The following NCAM2 variants were observed in gnomAD, a reference collection of about 807,000 sequenced individuals.
The protein encoded by NCAM2 is N-CAM-2.
NCAM2 carries 30 observed loss-of-function variants against 98.1 expected under a neutral mutation model. The observed-to-expected ratio is 0.31, with a 90% CI of 0.23 to 0.41. The LOEUF is 0.41. NCAM2 is among the 10% of genes least tolerant of loss of function. The pLI, the probability that NCAM2 is intolerant of heterozygous loss-of-function variation, is 1.00. For synonymous variants in NCAM2, 368 were observed against 342.4 expected (o/e 1.07, Z -0.83); for missense variants, 867 against 1,005.8 (o/e 0.86, Z 1.87).
Position 21,527,418 on chromosome 21 carries a change from C to T in NCAM2, c.2283-7119C>T, listed in dbSNP as rs538653176. On this transcript the variant is annotated intron_variant, in intron 16 of 17. Coordinates refer to ENST00000400546, the MANE Select transcript of NCAM2 (RefSeq NM_004540.5). ...AGACATTGTTAAGTGAATGAAAAGA[C>T]GAATCACGGAATGGGAGGAAATATT... Among the ~76,000 whole-genome samples the T allele has an allele frequency of 5.1e-4, 78 of 152,050 alleles. 1 individual carries two copies. The highest frequency in any genetic ancestry group is 3.4e-3 in the Middle Eastern group (1 of 294).
intron 17 of NCAM2, among the ~76,000 whole-genome samples, chr21:21,537,191 C>T (rs932721816): frequency 6.6e-6 from 1 of 151,858 alleles, no homozygotes; most frequent in Non-Finnish European, 1.5e-5. Flanking sequence ...CTCCACCTCC[C>T]GGTTCAAGTG....
intron 13 of NCAM2, among the ~76,000 whole-genome samples, chr21:21,467,384 A>T (rs374238548): frequency 3.8e-3 from 235 of 61,304 alleles, no homozygotes; most frequent in Admixed American, 5.6e-3. Flanking sequence ...ATATATCTTT[A>T]TATATATATA....
chr21:21,475,119 A>G lies in NCAM2; in HGVS notation c.1897-2172A>G, dbSNP rs17003873. On this transcript the variant is annotated intron_variant, in intron 14 of 17. Transcript: ENST00000400546. ...TTTGCTTATACATCTCCCAGTGATT[A>G]TGCATCTAAGGCTTAAAATCACTGT... Among the ~76,000 whole-genome samples the G allele has an allele frequency of 5.6e-3, 855 of 152,102 alleles. 7 individuals carry two copies. Among genetic ancestry groups the G allele is most frequent in the African/African-American group, 0.02 (820 of 41,532 alleles).
chr21:21,230,592 G>C (rs528424953), intron 1 of NCAM2, among the ~76,000 whole-genome samples: 81 of 151,178 alleles, frequency 5.4e-4, no homozygotes, highest in African/African-American at 2.0e-3. Context: ...ATCTCATCAC[G>C]ATGAAAAATA....
At chr21:21,188,498 A>G (rs890949868) in intron 1 of NCAM2, among the ~76,000 whole-genome samples, 15 of 152,194 alleles carry the variant, frequency 9.9e-5, no homozygotes, top group Admixed American at 4.6e-4. Context: ...AAATAGCACC[A>G]ATATTCTCTT....
At chr21:21,235,797 A>G (rs750774501) in intron 1 of NCAM2, among the ~76,000 whole-genome samples, 41 of 152,118 alleles carry the variant, frequency 2.7e-4, no homozygotes, top group African/African-American at 8.9e-4. Flanking sequence ...TTATGGGTCA[A>G]TGCCACTAAA....
intron 1 of NCAM2, among the ~76,000 whole-genome samples, chr21:21,236,339 T>G (rs1320913477): frequency 6.6e-6 from 1 of 152,086 alleles, no homozygotes; most frequent in Non-Finnish European, 1.5e-5. Context: ...TTCGTTGATA[T>G]CACAACCATC....
chr21:21,237,730 C>G (rs2070890148), intron 1 of NCAM2, among the ~76,000 whole-genome samples: 3 of 151,694 alleles, frequency 2.0e-5, no homozygotes, highest in Admixed American at 6.6e-5. Flanking sequence ...AGCTATATTT[C>G]CTAATAAAGG....
chr21:21,231,281 A>C (rs1000932284), intron 1 of NCAM2, among the ~76,000 whole-genome samples: 1 of 151,362 alleles, frequency 6.6e-6, no homozygotes, highest in Non-Finnish European at 1.5e-5. Context: ...TACCTAATAA[A>C]TTGAACTTCT....
intron 12 of NCAM2, among the ~76,000 whole-genome samples, chr21:21,454,951 C>G (rs1344340219): frequency 6.6e-6 from 1 of 151,856 alleles, no homozygotes; most frequent in Non-Finnish European, 1.5e-5. Flanking sequence ...TTCTCATAGC[C>G]TTAATATACA....
Position 21,432,103 on chromosome 21 carries a change from C to G in NCAM2, c.1481-5C>G. 1 of 1,612,354 alleles carries G rather than the reference C, an allele frequency of 6.2e-7. No individual in the cohort carries two copies. Among genetic ancestry groups the G allele is most frequent in the Non-Finnish European group, 8.5e-7 (1 of 1,178,840 alleles). ...TATGTTTTCTTTATATTTCTTTGTC[C>G]ATAGACGTGCCATCCAGTCCCTATG... On this transcript the variant is annotated splice_region_variant and splice_polypyrimidine_tract_variant and intron_variant, in intron 11 of 17. Transcript: ENST00000400546.
intron 9 of NCAM2, among the ~76,000 whole-genome samples, chr21:21,394,500 T>TTTTG (rs2076456495): frequency 1.1e-5 from 1 of 89,666 alleles, no homozygotes; most frequent in African/African-American, 4.7e-5. Flanking sequence ...TTTTTTTTTT[T>TTTTG]TTTTTTGAGA....
intron 15 of NCAM2, among the ~76,000 whole-genome samples, chr21:21,495,494 T>G (rs550895905): frequency 6.6e-6 from 1 of 152,014 alleles, no homozygotes; most frequent in East Asian, 1.9e-4. Context: ...CGATTCTGCT[T>G]CCCTCCAATG....
chr21:21,172,281 C>A (rs570821412), intron 1 of NCAM2, among the ~76,000 whole-genome samples: 2 of 152,112 alleles, frequency 1.3e-5, no homozygotes, highest in Admixed American at 6.5e-5. Flanking sequence ...ACTAGTACCA[C>A]CCTTATTTAA....
intron 1 of NCAM2, among the ~76,000 whole-genome samples, chr21:21,205,190 T>A (rs1383086729): frequency 1.3e-5 from 2 of 152,198 alleles, no homozygotes; most frequent in Non-Finnish European, 2.9e-5. Context: ...AAAAATTAAA[T>A]ATATTTTAAT....
At chr21:21,181,696 C>T (rs1203194754) in intron 1 of NCAM2, among the ~76,000 whole-genome samples, 2 of 152,102 alleles carry the variant, frequency 1.3e-5, no homozygotes, top group Non-Finnish European at 2.9e-5. Context: ...TTCTTCATTC[C>T]TTACTCAGTT....
chr21:21,505,316 A>G (rs1354626681), intron 15 of NCAM2, among the ~76,000 whole-genome samples: 1 of 152,066 alleles, frequency 6.6e-6, no homozygotes, highest in Non-Finnish European at 1.5e-5. Context: ...CCCACAAGTG[A>G]TCACACAGTG....
intron 1 of NCAM2, among the ~76,000 whole-genome samples, chr21:21,026,070 G>T (rs920553000): frequency 2.6e-5 from 4 of 152,162 alleles, no homozygotes; most frequent in Non-Finnish European, 4.4e-5. Context: ...AGTTTGATGA[G>T]TGCTGAGAAC....
At chr21:21,186,217 A>G (rs2068636387) in intron 1 of NCAM2, among the ~76,000 whole-genome samples, 1 of 152,176 alleles carries the variant, frequency 6.6e-6, no homozygotes, top group South Asian at 2.1e-4. Flanking sequence ...TCACAAGGGT[A>G]ATAGTTTTTT....
Sources: gnomAD v4.1 joint callset for allele counts (sites outside exome capture counted in the v4.1 genomes callset) on GRCh38, gnomAD v4.1.1 for gene constraint, MANE v1.5 for transcripts, NCBI Gene and HGNC (gene_info 2026-07-23, HGNC 2026-07-21) for gene names.